RBM26: variants seen among roughly 807,000 people sequenced by gnomAD.
RBM26 encodes the protein RNA binding motif protein 26, also known as RNA-binding protein 26.
RBM26 carries 30 observed loss-of-function variants against 123.6 expected under a neutral mutation model. The ratio of observed to expected loss-of-function variants is 0.24; its 90% CI spans 0.18 to 0.33. The LOEUF is 0.33. Ranked by LOEUF, RBM26 falls within the 10% of genes least tolerant of loss-of-function variation. The pLI is 1.00. For missense variants in RBM26, 947 were observed against 1,203.6 expected, an observed-to-expected ratio of 0.79 and a Z score of 3.15; for synonymous variants, 400 against 404.4, an observed-to-expected ratio of 0.99 and a Z score of 0.13.
intron 14 of RBM26, among the ~76,000 whole-genome samples, chr13:79,347,452 A>T (rs1411587187): frequency 1.3e-5 from 2 of 152,200 alleles, no homozygotes; most frequent in African/African-American, 4.8e-5. Flanking sequence ...CAGTTTGGAT[A>T]GTAAGAGACA....
chr13:79,318,247 G>A (rs1436389191), downstream of RBM26, among the ~76,000 whole-genome samples: 2 of 132,098 alleles, frequency 1.5e-5, no homozygotes, highest in African/African-American at 5.0e-5. Flanking sequence ...CAGCATCAAC[G>A]TAGAGTTAAA....
chr13:79,345,050 C>CA (rs1186276574), intron 14 of RBM26, among the ~76,000 whole-genome samples: 1 of 151,840 alleles, frequency 6.6e-6, no homozygotes, highest in Non-Finnish European at 1.5e-5. Context: ...ATGAAAATGT[C>CA]AAAAAGAAAA....
intron 20 of RBM26, among the ~76,000 whole-genome samples, chr13:79,327,295 C>A (rs1334271147): frequency 7.3e-5 from 9 of 123,028 alleles, no homozygotes; most frequent in African/African-American, 1.8e-4. Flanking sequence ...GAACCTGTCT[C>A]AAAAAAAAAA....
At chr13:79,332,294 A>G (rs2069567264) in intron 20 of RBM26, among the ~76,000 whole-genome samples, 1 of 152,202 alleles carries the variant, frequency 6.6e-6, no homozygotes, top group South Asian at 2.1e-4. Flanking sequence ...TGGTGATAGA[A>G]CATGACAATC....
At chr13:79,368,583 A>G in intron 6 of RBM26, 147 bp downstream of exon 6, 1 of 644,886 alleles carries the variant, frequency 1.6e-6, no homozygotes, top group Non-Finnish European at 2.6e-6. Context: ...AAATGTTTCA[A>G]TCATATTGAG....
intron 1 of RBM26, among the ~76,000 whole-genome samples, chr13:79,382,446 C>T (rs1478965151): frequency 6.6e-6 from 1 of 151,978 alleles, no homozygotes; most frequent in East Asian, 1.9e-4. Context: ...AAAAAAGAAT[C>T]AAGTTTTGAA....
At position 79,341,103 on chromosome 13, in the gene RBM26, G is replaced by A; in HGVS notation, c.2532+20C>T. ...CATTTGCTTCTTTTAAGCCTACTGT[G>A]TAGTTGTGATTAAACATACTTCCAG... On this transcript the variant is annotated intron_variant, in intron 18 of 21. Transcript: ENST00000438737. 1 of 1,417,134 alleles carries A rather than the reference G, an allele frequency of 7.1e-7. No individual in the cohort carries two copies. Among genetic ancestry groups the A allele is most frequent in the Non-Finnish European group, 9.9e-7 (1 of 1,006,110 alleles). 87.8% of individuals were successfully genotyped at this position (1,417,134 alleles called of 1,614,324 possible).
chr13:79,333,042 TC>T (rs2069694699), intron 20 of RBM26, among the ~76,000 whole-genome samples: 1 of 152,096 alleles, frequency 6.6e-6, no homozygotes, highest in South Asian at 2.1e-4. Flanking sequence ...AAACTACCTA[TC>T]TAGCAAGAGA....
chr13:79,329,570 C>G (rs2068970166), intron 20 of RBM26, among the ~76,000 whole-genome samples: 1 of 151,910 alleles, frequency 6.6e-6, no homozygotes, highest in African/African-American at 2.4e-5. Context: ...GGAACAGAAC[C>G]ACTAGGATCC....
At position 79,370,956 on chromosome 13, in the gene RBM26, G is replaced by GTTCTGC; in HGVS notation, c.617_622dup (p.Ser206_Arg207dup). On this transcript the variant is annotated inframe_insertion, in exon 5 of 22. Coordinates refer to ENST00000438737, the MANE Select transcript of RBM26 (RefSeq NM_001366735.2). ...AATATATTATTTACCCCTGCTTCGT[G>GTTCTGC]TTCTGCTTCTGCTTCTAGTCCTGCT... The GTTCTGC allele has an allele frequency of 6.3e-7, 1 of 1,597,974 alleles. No individual in the cohort carries two copies. Among genetic ancestry groups the GTTCTGC allele is most frequent in the South Asian group, 1.1e-5 (1 of 90,716 alleles).
intron 14 of RBM26, among the ~76,000 whole-genome samples, chr13:79,351,072 T>C (rs2073143911): frequency 1.3e-5 from 2 of 152,150 alleles, no homozygotes; most frequent in South Asian, 4.1e-4. Context: ...AATATATGGG[T>C]ATATATATTA....
chr13:79,346,425 C>T (rs915468906), intron 14 of RBM26, among the ~76,000 whole-genome samples: 2 of 152,088 alleles, frequency 1.3e-5, no homozygotes, highest in African/African-American at 4.8e-5. Context: ...GTCACCCAGG[C>T]TGGAGCATAG....
chr13:79,328,449 T>TA (rs955175736), intron 20 of RBM26, among the ~76,000 whole-genome samples: 4 of 150,714 alleles, frequency 2.7e-5, no homozygotes, highest in Non-Finnish European at 5.9e-5. Context: ...CGTAAATTTT[T>TA]AAAAAAATGA....
intron 1 of RBM26, among the ~76,000 whole-genome samples, chr13:79,393,131 A>C (rs113545912): frequency 0.023 from 3,478 of 152,320 alleles, 61 homozygotes; most frequent in Non-Finnish European, 0.033. Context: ...CTTCCAGCTA[A>C]CAAAGTCTGA....
chr13:79,364,613 T>C (rs907179863), intron 9 of RBM26, among the ~76,000 whole-genome samples: 2 of 152,202 alleles, frequency 1.3e-5, no homozygotes, highest in Non-Finnish European at 2.9e-5. Flanking sequence ...AAATACTGTA[T>C]TTTCCAAATT....
chr13:79,395,485 A>C (rs2078476549), intron 1 of RBM26, among the ~76,000 whole-genome samples: 1 of 152,182 alleles, frequency 6.6e-6, no homozygotes, highest in African/African-American at 2.4e-5. Context: ...CATATCTATA[A>C]TCCCAGCACT....
chr13:79,376,447 C>T (rs551731902), intron 3 of RBM26: 1 of 152,370 alleles, frequency 6.6e-6, no homozygotes, highest in South Asian at 2.1e-4. Context: ...GAGCCTCCTG[C>T]CTCAGCCTCC....
chr13:79,372,051 C>T (rs2075942816), intron 3 of RBM26, 121 bp from the exon 4 acceptor site: 5 of 669,138 alleles, frequency 7.5e-6, no homozygotes, highest in African/African-American at 3.7e-5. Flanking sequence ...GAGGCTGAGG[C>T]GGGTGGTTCA....
rs1324698719 is a variant in RBM26 at position 79,319,146 on chromosome 13, G to T, written c.*1475C>A. ...CTTCAACCCCAATTAGGGGTGTATG[G>T]GGAAGAAGAAAAAGAACAGCATCCT... On this transcript the variant is annotated 3_prime_UTR_variant, in exon 22 of 22. Coordinates refer to ENST00000438737, the MANE Select transcript of RBM26 (RefSeq NM_001366735.2). The T allele has an allele frequency of 2.0e-6, 2 of 984,428 alleles. No individual in the cohort carries two copies. Among genetic ancestry groups the T allele is most frequent in the African/African-American group, 3.5e-5 (2 of 57,128 alleles). 61.0% of individuals were successfully genotyped at this position (984,428 alleles called of 1,614,324 possible).
Sources: allele counts gnomAD v4.1 joint callset (sites outside exome capture counted in the v4.1 genomes callset), GRCh38; gene constraint gnomAD v4.1.1; transcripts MANE v1.5; gene names NCBI Gene and HGNC (gene_info 2026-07-23, HGNC 2026-07-21).